The following NRG1 variants were observed in gnomAD, a reference collection of about 807,000 sequenced individuals.
The protein encoded by NRG1 is neuregulin 1, also known as pro-neuregulin-1, membrane-bound isoform.
In NRG1, 18 loss-of-function variants were observed where a neutral mutation model predicts 63.8. The observed-to-expected ratio is 0.28, with a 90% CI of 0.19 to 0.42. NRG1 has a LOEUF of 0.42. NRG1 is among the 10% of genes least tolerant of loss of function. The probability of loss-of-function intolerance (pLI) is 1.00; values close to 1 mark genes in which losing one functional copy is unlikely to be tolerated. For synonymous variants in NRG1, 302 were observed against 301.3 expected, an observed-to-expected ratio of 1.00 and a Z score of -0.02; for missense variants, 762 against 814.7, an observed-to-expected ratio of 0.94 and a Z score of 0.79.
chr8:32,461,959 A>C (rs761327204), intron 1 of NRG1, among the ~76,000 whole-genome samples: 4 of 152,184 alleles, frequency 2.6e-5, no homozygotes, highest in Non-Finnish European at 4.4e-5. Context: ...TTAGATGCGA[A>C]GTTCCCAAAA....
chr8:32,023,452 A>G (rs1816763889), intron 1 of NRG1, among the ~76,000 whole-genome samples: 2 of 152,030 alleles, frequency 1.3e-5, no homozygotes, highest in African/African-American at 4.8e-5. Flanking sequence ...ATGATGAACG[A>G]CTCTGCATTG....
chr8:32,317,255 C>T (rs549248996), intron 1 of NRG1, among the ~76,000 whole-genome samples: 2 of 152,246 alleles, frequency 1.3e-5, no homozygotes, highest in Admixed American at 1.3e-4. Flanking sequence ...TCTCTGCTTA[C>T]GAGTCCATAG....
At chr8:32,759,575 T>TGC in intron 10 of NRG1, 139 bp downstream of exon 10, 2 of 1,043,858 alleles carry the variant, frequency 1.9e-6, no homozygotes, top group South Asian at 3.6e-5. Context: ...TCAACTGGCT[T>TGC]TGCCCTTAAT....
At chr8:32,165,593 A>G (rs1421913541) in intron 1 of NRG1, among the ~76,000 whole-genome samples, 1 of 152,208 alleles carries the variant, frequency 6.6e-6, no homozygotes, top group African/African-American at 2.4e-5. Flanking sequence ...GAGGGCAGAG[A>G]AAGGAGTAAT....
intron 5 of NRG1, among the ~76,000 whole-genome samples, chr8:32,695,273 CA>C (rs1383240404): frequency 1.3e-5 from 2 of 151,774 alleles, no homozygotes; most frequent in Non-Finnish European, 2.9e-5. Flanking sequence ...CCTGGGAGTT[CA>C]AGGCTGCAGT....
intron 1 of NRG1, among the ~76,000 whole-genome samples, chr8:31,954,083 TAACAC>T (rs1263319348): frequency 6.6e-6 from 1 of 151,836 alleles, no homozygotes; most frequent in African/African-American, 2.4e-5. Flanking sequence ...GAAAAAAAAA[TAACAC>T]AGCCATAAAA....
intron 1 of NRG1, among the ~76,000 whole-genome samples, chr8:31,688,450 C>T (rs1585675563): frequency 2.6e-5 from 4 of 152,158 alleles, no homozygotes; most frequent in African/African-American, 9.7e-5. Flanking sequence ...TCTCCAGAGC[C>T]ATGAGAATTG....
At chr8:32,607,829 T>A (rs1488467027) in intron 3 of NRG1, among the ~76,000 whole-genome samples, 1 of 152,142 alleles carries the variant, frequency 6.6e-6, no homozygotes, top group African/African-American at 2.4e-5. Context: ...AAATCCTTCT[T>A]AAACAACCAA....
rs188767925 is a variant in NRG1, at chr8:32,199,776, C to T, written c.38-396052C>T. On this transcript the variant is annotated intron_variant, in intron 1 of 10. Coordinates refer to the NRG1 transcript ENST00000519301. ...AATTTAGTAATTTTTAAAATTCTCT[C>T]ATTGTTTTAAACTTTTTTTTTGAGT... Among the ~76,000 whole-genome samples the T allele has an allele frequency of 1.7e-3, 263 of 152,044 alleles. 3 individuals carry two copies. The highest frequency in any genetic ancestry group is 2.9e-4 in the Non-Finnish European group (20 of 67,974).
intron 1 of NRG1, among the ~76,000 whole-genome samples, chr8:32,409,476 C>G (rs1405190341): frequency 6.6e-6 from 1 of 152,196 alleles, no homozygotes; most frequent in African/African-American, 2.4e-5. Flanking sequence ...ACTCAACATA[C>G]AGGATGGGTG....
chr8:32,573,605 A>G (rs1178066901), intron 1 of NRG1, among the ~76,000 whole-genome samples: 3 of 151,962 alleles, frequency 2.0e-5, no homozygotes, highest in Non-Finnish European at 4.4e-5. Context: ...ATTTCTTAGA[A>G]CTATGTATTT....
intron 1 of NRG1, among the ~76,000 whole-genome samples, chr8:31,965,729 A>T (rs1350259969): frequency 1.3e-5 from 2 of 152,138 alleles, no homozygotes; most frequent in African/African-American, 4.8e-5. Context: ...CTTTTTAATA[A>T]TAGCTATTCT....
At chr8:31,742,915 C>G (rs1366526563) in intron 1 of NRG1, among the ~76,000 whole-genome samples, 1 of 151,970 alleles carries the variant, frequency 6.6e-6, no homozygotes, top group Admixed American at 6.6e-5. Flanking sequence ...TGGTAATGAG[C>G]TGGCAAGTGT....
chr8:31,767,292 G>T (rs2131550577), intron 1 of NRG1, among the ~76,000 whole-genome samples: 1 of 152,288 alleles, frequency 6.6e-6, no homozygotes, highest in Non-Finnish European at 1.5e-5. Flanking sequence ...TACTTTACTT[G>T]TTGATTAATT....
chr8:31,980,220 A>G (rs1331635811), intron 1 of NRG1, among the ~76,000 whole-genome samples: 1 of 152,000 alleles, frequency 6.6e-6, no homozygotes, highest in Non-Finnish European at 1.5e-5. Flanking sequence ...GTAAGAAACT[A>G]CTTACATGTT....
intron 1 of NRG1, among the ~76,000 whole-genome samples, chr8:32,247,217 T>A (rs1848668021): frequency 6.6e-6 from 1 of 152,118 alleles, no homozygotes. Flanking sequence ...ATGACTCATG[T>A]GGTGCTCTCT....
chr8:32,474,328 G>A (rs995829143), intron 1 of NRG1, among the ~76,000 whole-genome samples: 3 of 152,186 alleles, frequency 2.0e-5, no homozygotes, highest in African/African-American at 7.2e-5. Flanking sequence ...CTGGGAGTTG[G>A]GAAACTGATT....
downstream of NRG1, among the ~76,000 whole-genome samples, chr8:32,770,848 C>G (rs1209972237): frequency 2.0e-5 from 3 of 152,150 alleles, no homozygotes. Context: ...CTGAAAGTGT[C>G]TAACACATAG....
At position 32,078,867 on chromosome 8, in the gene NRG1, G is replaced by A. The variant is rs562249849; in HGVS notation, c.37+439436G>A. On this transcript the variant is annotated intron_variant, in intron 1 of 10. Transcript: ENST00000519301. ...GACTCATTCTCTCTGTTGAGTGAGG[G>A]CTTATTCCAGCTGGCTCGCGCTATT... Among the ~76,000 whole-genome samples the A allele has an allele frequency of 2.0e-4, 30 of 152,226 alleles. No individual in the cohort carries two copies. In the South Asian group the frequency reaches 6.2e-3, roughly 32 times the overall value.
Sources: allele counts gnomAD v4.1 joint callset (sites outside exome capture counted in the v4.1 genomes callset), GRCh38; gene constraint gnomAD v4.1.1; transcripts MANE v1.5; gene names NCBI Gene and HGNC (gene_info 2026-07-23, HGNC 2026-07-21).